Variants in OR6N1 observed in about 807,000 individuals in gnomAD.
The protein encoded by OR6N1 is olfactory receptor 6N1.
For synonymous variants in OR6N1, 170 were observed against 150.7 expected (o/e 1.13, Z -0.94); for missense variants, 394 against 371.7 (o/e 1.06, Z -0.49).
chr1:158,768,541 A>G (rs1657335321), intron 1 of OR6N1, among the ~76,000 whole-genome samples: 1 of 152,152 alleles, frequency 6.6e-6, no homozygotes, highest in Non-Finnish European at 1.5e-5. Flanking sequence ...CTCCTAACAG[A>G]TCTCCCTACT....
At chr1:158,806,476 A>G in the OR6N1 span, among the ~76,000 whole-genome samples, 2 of 152,160 alleles carry the variant, frequency 1.3e-5, no homozygotes, top group Admixed American at 1.3e-4. Context: ...TATTGTCCCC[A>G]TTTTGCATGT....
chr1:158,777,717 T>C, the OR6N1 span: 2 of 826,100 alleles, frequency 2.4e-6, no homozygotes, highest in African/African-American at 3.4e-5. Flanking sequence ...CATTTCTCTC[T>C]CTCTCTTTTT....
chr1:158,777,922 C>A, the OR6N1 span, among the ~76,000 whole-genome samples: 1 of 152,092 alleles, frequency 6.6e-6, no homozygotes, highest in Non-Finnish European at 1.5e-5. Context: ...AATAAGAAAA[C>A]TTGGGAATAG....
At chr1:158,796,580 A>G in the OR6N1 span, among the ~76,000 whole-genome samples, 6 of 152,054 alleles carry the variant, frequency 3.9e-5, no homozygotes, top group Non-Finnish European at 8.8e-5. Context: ...GTTTCTCACT[A>G]TTTCAATTTC....
At chr1:158,808,774 A>G in the OR6N1 span, 1 of 152,502 alleles carries the variant, frequency 6.6e-6, no homozygotes, top group Non-Finnish European at 1.5e-5. Flanking sequence ...TTGTGTCCAC[A>G]CATGCCAACC....
chr1:158,788,521 T>C, the OR6N1 span, among the ~76,000 whole-genome samples: 785 of 152,280 alleles, frequency 5.2e-3, 1 homozygote, highest in Non-Finnish European at 9.1e-3. Flanking sequence ...GTATATATTT[T>C]TGTTTTATCA....
At chr1:158,816,030 C>G in the OR6N1 span, among the ~76,000 whole-genome samples, 2 of 151,762 alleles carry the variant, frequency 1.3e-5, no homozygotes, top group South Asian at 4.2e-4. Flanking sequence ...TGGTGGCGGG[C>G]ACCTAAAGTC....
chr1:158,783,197 T>C, the OR6N1 span, among the ~76,000 whole-genome samples: 1 of 152,172 alleles, frequency 6.6e-6, no homozygotes, highest in Non-Finnish European at 1.5e-5. Flanking sequence ...ACTTGCTGGA[T>C]CCAACATAAT....
In OR6N1 at chr1:158,765,774, C is replaced by T. The variant is rs552079324; in HGVS notation, c.909G>A (p.Arg303=). Residue 303 remains arginine (R), a synonymous_variant, in exon 2 of 2, where the codon AGG becomes AGA. Transcript: ENST00000641846. The part of the protein sequence containing the change: ...RNKEIKEAVR[R]QLKRIGILA Reference sequence around the variant, plus strand: ...CCAATATCCCAATTCTCTTTAGCTGCCTCCTCACAGCCTCCTTGATCTCCT... The same window carrying T: ...CCAATATCCCAATTCTCTTTAGCTGTCTCCTCACAGCCTCCTTGATCTCCT... 5 of 1,613,920 alleles carry T rather than the reference C, an allele frequency of 3.1e-6. No homozygotes were observed. The highest frequency in any genetic ancestry group is 1.3e-5 in the African/African-American group (1 of 75,058).
the OR6N1 span, among the ~76,000 whole-genome samples, chr1:158,779,605 ACT>A: frequency 6.6e-6 from 1 of 152,056 alleles, no homozygotes; most frequent in Non-Finnish European, 1.5e-5. Context: ...TACTTAAAAG[ACT>A]CTTCTTGATT....
intron 1 of OR6N1, among the ~76,000 whole-genome samples, chr1:158,767,799 G>T (rs1163732180): frequency 6.6e-6 from 1 of 152,134 alleles, no homozygotes; most frequent in African/African-American, 2.4e-5. Flanking sequence ...TCTTCCAAGA[G>T]TCGGCTATAC....
the OR6N1 span, among the ~76,000 whole-genome samples, chr1:158,829,523 C>A: frequency 6.6e-6 from 1 of 152,222 alleles, no homozygotes; most frequent in Non-Finnish European, 1.5e-5. Context: ...GAGACCACCA[C>A]AGCCTGGATC....
At chr1:158,778,858 C>CAA in the OR6N1 span, among the ~76,000 whole-genome samples, 5 of 146,872 alleles carry the variant, frequency 3.4e-5, no homozygotes, top group African/African-American at 1.2e-4. Context: ...ACTAAAAATA[C>CAA]AAAAAAAAAA....
chr1:158,837,131 G>T, the OR6N1 span, among the ~76,000 whole-genome samples: 1 of 151,774 alleles, frequency 6.6e-6, no homozygotes, highest in Admixed American at 6.6e-5. Context: ...TATATGTTGG[G>T]ACAATGTTCC....
At chr1:158,789,350 T>A in the OR6N1 span, among the ~76,000 whole-genome samples, 1 of 152,176 alleles carries the variant, frequency 6.6e-6, no homozygotes, top group East Asian at 1.9e-4. Flanking sequence ...GATTTGAATA[T>A]ATACACAGTA....
chr1:158,800,345 G>A, the OR6N1 span, among the ~76,000 whole-genome samples: 412 of 152,132 alleles, frequency 2.7e-3, no homozygotes, highest in Admixed American at 8.7e-3. Context: ...AAAAAATCAA[G>A]GATTTGATTT....
the OR6N1 span, among the ~76,000 whole-genome samples, chr1:158,790,204 T>C: frequency 6.6e-6 from 1 of 152,190 alleles, no homozygotes; most frequent in Non-Finnish European, 1.5e-5. Context: ...ATGTATCTGT[T>C]GTTATGTCAG....
At chr1:158,777,535 G>T in the OR6N1 span, 1 of 1,614,090 alleles carries the variant, frequency 6.2e-7, no homozygotes, top group Non-Finnish European at 8.5e-7. Context: ...GAACAGGTAT[G>T]CCAATAGCAG....
the OR6N1 span, among the ~76,000 whole-genome samples, chr1:158,815,718 T>G: frequency 6.6e-6 from 1 of 152,260 alleles, no homozygotes; most frequent in African/African-American, 2.4e-5. Context: ...TTTACTATTT[T>G]ACATGCTTTA....
Sources: allele counts gnomAD v4.1 joint callset (sites outside exome capture counted in the v4.1 genomes callset), GRCh38; gene constraint gnomAD v4.1.1; transcripts MANE v1.5; gene names NCBI Gene and HGNC (gene_info 2026-07-23, HGNC 2026-07-21).